The following LGALS3 variants were observed in gnomAD, a reference collection of about 807,000 sequenced individuals.
The protein encoded by LGALS3 is galectin 3.
LGALS3 carries 18 observed loss-of-function variants against 20.7 expected under a neutral mutation model. The observed-to-expected ratio is 0.87, with a 90% CI of 0.60 to 1.29. The LOEUF is 1.29. LGALS3 is among the 50% of genes most tolerant of loss of function. The probability of loss-of-function intolerance (pLI) is 0.00; values close to 1 mark genes in which losing one functional copy is unlikely to be tolerated. For synonymous variants in LGALS3, 112 were observed against 119.6 expected (o/e 0.94, Z 0.42); for missense variants, 315 against 314.7 (o/e 1.00, Z -0.01).
rs1323225205 is a variant in LGALS3, at chr14:55,138,201, C to T, written c.175C>T (p.Pro59Ser). ...APPGAYPGQAPPGAYPGAPGA... is the reference protein window; with the variant it reads ...APPGAYPGQASPGAYPGAPGA... ...CCCAGGGGCTTATCCTGGACAGGCA[C>T]CTCCAGGCGCCTACCCTGGAGCACC... The change falls in exon 3 of 6, where the codon CCT becomes TCT. Residue 59 changes from proline to serine, a missense_variant. Physicochemically the swap from Pro to Ser is moderately conservative, Grantham distance 74 (BLOSUM62 -1). Coordinates refer to ENST00000254301, the MANE Select transcript of LGALS3 (RefSeq NM_002306.4). 1 of 1,612,634 alleles carries T rather than the reference C, an allele frequency of 6.2e-7. No homozygotes were observed. Among genetic ancestry groups the T allele is most frequent in the Non-Finnish European group, 8.5e-7 (1 of 1,179,364 alleles).
At chr14:55,137,812 C>T (rs1008574588) in intron 2 of LGALS3, 2 of 1,300,818 alleles carry the variant, frequency 1.5e-6, no homozygotes, top group African/African-American at 1.5e-5. Context: ...ATGCAGCCCT[C>T]CCTGATCTGA....
intron 3 of LGALS3, among the ~76,000 whole-genome samples, chr14:55,139,813 T>C (rs1294464871): frequency 1.3e-5 from 2 of 152,212 alleles, no homozygotes; most frequent in African/African-American, 2.4e-5. Context: ...TCCATAAATA[T>C]TGAGTATCTG....
rs189161026 is a variant in LGALS3 at position 55,135,605 on chromosome 14, C to T, written c.-4-1765C>T. On this transcript the variant is annotated intron_variant, in intron 1 of 5. Transcript: ENST00000254301. The stretch of plus-strand genomic sequence containing the variant: ...TTTTTGAGATGAGGTCGCTCTGTCA[C>T]CCAGGCTGGAGTGCAGTGGTGCCAT... Among the ~76,000 whole-genome samples, 4 of 139,138 alleles carry T rather than the reference C, an allele frequency of 2.9e-5. No homozygotes were observed. In the Admixed American group the frequency reaches 3.0e-4, roughly 10 times the overall value. The allele number at this position is 139,138 out of a possible 152,430, so 91.3% of individuals were successfully genotyped here.
In LGALS3 at chr14:55,142,750, G is replaced by T. The variant is rs113169810; in HGVS notation, c.597+1G>T. 3.1e-6 allele frequency: 5 copies of T among 1,605,546 alleles called. No individual in the cohort carries two copies. The highest frequency in any genetic ancestry group is 3.4e-6 in the Non-Finnish European group (4 of 1,172,360). On this transcript the variant is annotated splice_donor_variant, in intron 5 of 5. Coordinates refer to ENST00000254301, the MANE Select transcript of LGALS3 (RefSeq NM_002306.4). LOFTEE classifies it high-confidence loss of function. ...ATTTGAAAGTGGGAAACCATTCAAA[G>T]TAAGTTATTGCTACTATTATATATT...
rs1312836618 is a variant in LGALS3, at chr14:55,138,203, T to A, written c.177T>A (p.Pro59=). ...APPGAYPGQA[P]PGAYPGAPGA... is the part of the protein sequence containing the mutation. Reference sequence around the variant, plus strand: ...CAGGGGCTTATCCTGGACAGGCACCTCCAGGCGCCTACCCTGGAGCACCTG... The same window carrying A: ...CAGGGGCTTATCCTGGACAGGCACCACCAGGCGCCTACCCTGGAGCACCTG... The change falls in exon 3 of 6, where the codon CCT becomes CCA. Residue 59 remains proline (P), a synonymous_variant. Coordinates refer to ENST00000254301, the MANE Select transcript of LGALS3 (RefSeq NM_002306.4). 1 of 1,612,624 alleles carries A rather than the reference T, an allele frequency of 6.2e-7. No homozygotes were observed. Among genetic ancestry groups the A allele is most frequent in the East Asian group, 2.2e-5 (1 of 44,828 alleles).
At chr14:55,134,150 C>T (rs1439571924) in intron 1 of LGALS3, among the ~76,000 whole-genome samples, 4 of 152,146 alleles carry the variant, frequency 2.6e-5, no homozygotes, top group South Asian at 2.1e-4. Flanking sequence ...AAGCAATATT[C>T]CCGCCTCAGC....
chr14:55,130,837 G>A (rs1383023210), intron 1 of LGALS3, among the ~76,000 whole-genome samples: 1 of 151,740 alleles, frequency 6.6e-6, no homozygotes, highest in East Asian at 1.9e-4. Flanking sequence ...GCCTCCTAAA[G>A]TGCTGGGATT....
chr14:55,138,867 G>A (rs752046562), intron 3 of LGALS3, among the ~76,000 whole-genome samples: 12 of 152,162 alleles, frequency 7.9e-5, no homozygotes, highest in Non-Finnish European at 1.0e-4. Context: ...GAATTTTCAC[G>A]CAAATTAAAA....
chr14:55,145,323 A>T lies in LGALS3; in HGVS notation c.*52A>T. The T allele has an allele frequency of 6.2e-7, 1 of 1,602,590 alleles. No individual in the cohort carries two copies. Among genetic ancestry groups the T allele is most frequent in the Non-Finnish European group, 8.5e-7 (1 of 1,173,458 alleles). On this transcript the variant is annotated 3_prime_UTR_variant, in exon 6 of 6. Coordinates refer to ENST00000254301, the MANE Select transcript of LGALS3 (RefSeq NM_002306.4). ...AAAAGAATCTAAACCTTACATGTGTAAAGGTTTCATGTTCACTGTGAGTGA... is the reference window on the plus strand; with the variant it reads ...AAAAGAATCTAAACCTTACATGTGTTAAGGTTTCATGTTCACTGTGAGTGA...
rs187230197 is a variant in LGALS3 at position 55,135,725 on chromosome 14, C to T, written c.-4-1645C>T. On this transcript the variant is annotated intron_variant, in intron 1 of 5. Coordinates refer to ENST00000254301, the MANE Select transcript of LGALS3 (RefSeq NM_002306.4). Reference sequence around the variant, plus strand: ...GAACACAGGCATGCGCCACCACACCCGGCTAATTTTTGTATTTTTCATAGA... The same window carrying T: ...GAACACAGGCATGCGCCACCACACCTGGCTAATTTTTGTATTTTTCATAGA... Among the ~76,000 whole-genome samples, 691 of 151,970 alleles carry T rather than the reference C, an allele frequency of 4.5e-3. 6 individuals carry two copies. Among genetic ancestry groups the T allele is most frequent in the African/African-American group, 0.016 (664 of 41,420 alleles).
intron 2 of LGALS3, chr14:55,137,774 T>C (rs908227102): frequency 1.5e-6 from 2 of 1,312,698 alleles, no homozygotes; most frequent in Non-Finnish European, 1.9e-6. Context: ...AGAGGAGCGC[T>C]AACTCCTGAC....
At chr14:55,132,488 T>G (rs1881260594) in intron 1 of LGALS3, among the ~76,000 whole-genome samples, 1 of 152,232 alleles carries the variant, frequency 6.6e-6, no homozygotes, top group Non-Finnish European at 1.5e-5. Context: ...GGATGATACT[T>G]ATCTGAATAG....
In LGALS3 at chr14:55,130,756, G is replaced by C. The variant is rs970545605; in HGVS notation, c.-5+1456G>C. Among the ~76,000 whole-genome samples the C allele has an allele frequency of 1.2e-3, 165 of 139,244 alleles. 3 individuals are homozygous for C. Among genetic ancestry groups the C allele is most frequent in the Middle Eastern group, 0.011 (3 of 264 alleles). The allele number at this position is 139,244 out of a possible 152,430, so 91.3% of individuals were successfully genotyped here. On this transcript the variant is annotated intron_variant, in intron 1 of 5. Coordinates refer to ENST00000254301, the MANE Select transcript of LGALS3 (RefSeq NM_002306.4). Reference sequence around the variant, plus strand: ...GTATTTTTCGTGGTGGTGGTGGTGGGGGGGGGGGGGTCCCTCCATGTTGGT... The same window carrying C: ...GTATTTTTCGTGGTGGTGGTGGTGGCGGGGGGGGGGTCCCTCCATGTTGGT...
Position 55,140,301 on chromosome 14 carries a change from T to TG in LGALS3, c.374dup (p.Val126SerfsTer29). 6.2e-7 allele frequency: 1 copy of TG among 1,613,678 alleles called. No individual in the cohort carries two copies. The highest frequency in any genetic ancestry group is 8.5e-7 in the Non-Finnish European group (1 of 1,179,678). On this transcript the variant is annotated frameshift_variant, in exon 4 of 6. Transcript: ENST00000254301. LOFTEE classifies it high-confidence loss of function. ...TTGTGCCTTATAACCTGCCTTTGCC[T>TG]GGGGGAGTGGTGCCTCGCATGCTGA... is the stretch of plus-strand genomic sequence containing the variant.
At chr14:55,136,628 G>A (rs1881403269) in intron 1 of LGALS3, among the ~76,000 whole-genome samples, 1 of 152,056 alleles carries the variant, frequency 6.6e-6, no homozygotes, top group Non-Finnish European at 1.5e-5. Flanking sequence ...CATGGAAAAT[G>A]GGGTATCCCT....
Position 55,137,635 on chromosome 14 carries a change from C to G in LGALS3, c.18+244C>G, listed in dbSNP as rs2075598. On this transcript the variant is annotated intron_variant, in intron 2 of 5. Coordinates refer to ENST00000254301, the MANE Select transcript of LGALS3 (RefSeq NM_002306.4). ...AACCCTTTCACCAAAAGGCCCAGGG[C>G]GGAAGGGAGTGGACTCTGCCGGCAG... 5 of 1,433,978 alleles carry G rather than the reference C, an allele frequency of 3.5e-6. No individual in the cohort carries two copies. The African/African-American group carries it at 7.2e-5, about 21-fold the overall frequency. 88.8% of individuals were successfully genotyped at this position (1,433,978 alleles called of 1,614,324 possible). A position where few individuals can be genotyped will look rare whatever the true frequency, so the allele number is the denominator to read the frequency against.
At chr14:55,137,222 AAG>A (rs1881425505) in intron 1 of LGALS3, 146 bp from the exon 2 acceptor site, 1 of 806,574 alleles carries the variant, frequency 1.2e-6, no homozygotes, top group Admixed American at 1.8e-5. Context: ...CTGCCCCTTG[AAG>A]AGATGTTTTT....
intron 1 of LGALS3, among the ~76,000 whole-genome samples, chr14:55,133,396 A>T (rs940865092): frequency 6.6e-6 from 1 of 152,304 alleles, no homozygotes; most frequent in East Asian, 1.9e-4. Flanking sequence ...AACCATGGTT[A>T]GTATCAAACC....
rs994353860 is a variant in LGALS3, at chr14:55,129,711, G to A, written c.-5+411G>A. Among the ~76,000 whole-genome samples, 13 of 152,200 alleles carry A rather than the reference G, an allele frequency of 8.5e-5. No homozygotes were observed. The highest frequency in any genetic ancestry group is 3.1e-4 in the African/African-American group (13 of 41,452). On this transcript the variant is annotated intron_variant, in intron 1 of 5. Coordinates refer to ENST00000254301, the MANE Select transcript of LGALS3 (RefSeq NM_002306.4). This position sits in a 1 kb window ranked among gnomAD's most constrained non-coding sequence, Gnocchi z 5.3. ...CCAGTCCCACCAGGTCCCGCTGCGA[G>A]GGGAGGCGGAGGGGCTCGCTCAGCA...
Sources: gnomAD v4.1 joint callset for allele counts (sites outside exome capture counted in the v4.1 genomes callset) on GRCh38, gnomAD v4.1.1 for gene constraint, Gnocchi (gnomAD v3.1) non-coding constraint, MANE v1.5 for transcripts, NCBI Gene and HGNC (gene_info 2026-07-23, HGNC 2026-07-21) for gene names.